STK32C: variants seen among roughly 807,000 people sequenced by gnomAD.
STK32C encodes the protein serine/threonine kinase 32C.
STK32C carries 31 observed loss-of-function variants against 56.5 expected under a neutral mutation model. The observed-to-expected ratio is 0.55, with a 90% confidence interval of 0.41 to 0.74. The LOEUF (loss-of-function observed/expected upper bound fraction) is 0.74. STK32C is among the 30% of genes least tolerant of loss of function. The pLI is 0.00. For missense variants in STK32C, 544 were observed against 676.9 expected (o/e 0.80, Z 2.18); for synonymous variants, 309 against 289.4 (o/e 1.07, Z -0.69).
chr10:132,245,240 G>C (rs2063645385), intron 2 of STK32C, among the ~76,000 whole-genome samples: 1 of 152,214 alleles, frequency 6.6e-6, no homozygotes, highest in South Asian at 2.1e-4. Flanking sequence ...AGCCTCCCGG[G>C]ACAGCTGAAA....
intron 1 of STK32C, among the ~76,000 whole-genome samples, chr10:132,304,077 C>T (rs780883030): frequency 6.6e-6 from 1 of 152,222 alleles, no homozygotes; most frequent in Non-Finnish European, 1.5e-5. Context: ...TGAGCAATGT[C>T]GTTCCTAAAA....
intron 8 of STK32C, among the ~76,000 whole-genome samples, chr10:132,223,635 G>C (rs537729944): frequency 6.6e-6 from 1 of 152,314 alleles, no homozygotes; most frequent in South Asian, 2.1e-4. Flanking sequence ...GACTCTCGGG[G>C]CTGGGGAGAG....
intron 10 of STK32C, among the ~76,000 whole-genome samples, chr10:132,212,238 G>T (rs111945108): frequency 6.6e-6 from 1 of 152,140 alleles, no homozygotes; most frequent in East Asian, 1.9e-4. Context: ...GTGCAGTCCC[G>T]GCGCAGGGCA....
rs148627375 is a variant in STK32C at position 132,303,081 on chromosome 10, T to A, written c.262+4491A>T. ...TCCTTCACATCAGCAGCAGCCAGCG[T>A]GGAAACGGTCCCACTCCAGTCCCAC... On this transcript the variant is annotated intron_variant, in intron 1 of 11. Coordinates refer to ENST00000298630, the MANE Select transcript of STK32C (RefSeq NM_173575.4). 2.0e-3 allele frequency among the ~76,000 whole-genome samples: 300 copies of A among 152,326 alleles called. 2 individuals are homozygous for A. The highest frequency in any genetic ancestry group is 7.1e-3 in the African/African-American group (294 of 41,576).
At chr10:132,231,662 A>G (rs2063104365) in intron 2 of STK32C, among the ~76,000 whole-genome samples, 1 of 152,238 alleles carries the variant, frequency 6.6e-6, no homozygotes, top group Admixed American at 6.5e-5. Flanking sequence ...TAAGTTGAGG[A>G]TCTGGAGGTC....
intron 10 of STK32C, among the ~76,000 whole-genome samples, chr10:132,210,135 C>T (rs536319220): frequency 2.0e-5 from 3 of 152,374 alleles, no homozygotes; most frequent in East Asian, 1.9e-4. Flanking sequence ...TTATGCAATG[C>T]GTGACAACAG....
intron 1 of STK32C, among the ~76,000 whole-genome samples, chr10:132,277,680 T>A (rs555593454): frequency 1.3e-5 from 2 of 152,286 alleles, no homozygotes; most frequent in Admixed American, 6.5e-5. Flanking sequence ...GCAGGGGACT[T>A]TATTCGACCT....
At chr10:132,324,219 T>A (rs112520251) in exon 2 of STK32C, 2 of 779,524 alleles carry the variant, frequency 2.6e-6, no homozygotes, top group Non-Finnish European at 4.8e-6. Flanking sequence ...ATCTGAGAAA[T>A]TCATTAACAA....
chr10:132,212,404 G>A (rs953060882), intron 10 of STK32C, among the ~76,000 whole-genome samples: 2 of 152,190 alleles, frequency 1.3e-5, no homozygotes, highest in Non-Finnish European at 2.9e-5. Context: ...ACCTGACATT[G>A]TTCATAAAAA....
At chr10:132,253,448 GT>G in intron 1 of STK32C, among the ~76,000 whole-genome samples, 1 of 148,802 alleles carries the variant, frequency 6.7e-6, no homozygotes, top group Non-Finnish European at 1.5e-5. Context: ...GCTGGAGGGA[GT>G]CGAGGGAACT....
intron 1 of STK32C, among the ~76,000 whole-genome samples, chr10:132,286,739 GAGA>G (rs1197470245): frequency 1.3e-5 from 2 of 152,164 alleles, no homozygotes; most frequent in African/African-American, 2.4e-5. Flanking sequence ...AAACTAAGAG[GAGA>G]AGGAGATTTC....
At chr10:132,270,643 T>G (rs11592246) in intron 1 of STK32C, among the ~76,000 whole-genome samples, 66,038 of 152,122 alleles carry the variant, frequency 0.43, 15,483 homozygotes, top group African/African-American at 0.6. Context: ...ACCCATGGCC[T>G]TATTTGCTAG....
At chr10:132,329,739 AT>A (rs2066598767) in intron 1 of STK32C, among the ~76,000 whole-genome samples, 2 of 152,306 alleles carry the variant, frequency 1.3e-5, no homozygotes, top group South Asian at 4.1e-4. Context: ...CAGAACAAGA[AT>A]TATGTCAGGG....
intron 1 of STK32C, among the ~76,000 whole-genome samples, chr10:132,249,516 T>A (rs1023242783): frequency 6.6e-6 from 1 of 152,082 alleles, no homozygotes; most frequent in African/African-American, 2.4e-5. Flanking sequence ...CCGAGCCAAG[T>A]GGTCCCTGCC....
At chr10:132,229,835 C>T (rs1032232532) in intron 2 of STK32C, among the ~76,000 whole-genome samples, 2 of 152,384 alleles carry the variant, frequency 1.3e-5, no homozygotes, top group South Asian at 4.1e-4. Context: ...TCTGATGGTG[C>T]CAAGCGGTGG....
intron 2 of STK32C, among the ~76,000 whole-genome samples, chr10:132,229,905 T>A (rs933282672): frequency 2.0e-5 from 3 of 152,232 alleles, no homozygotes; most frequent in Non-Finnish European, 4.4e-5. Flanking sequence ...CCTGGCACCA[T>A]GGGCTCTAAG....
downstream of STK32C, among the ~76,000 whole-genome samples, chr10:132,319,266 G>GA (rs200573624): frequency 0.014 from 2,200 of 152,258 alleles, 44 homozygotes; most frequent in South Asian, 0.046. Flanking sequence ...AGCTACACTG[G>GA]AAAACAGTTC....
intron 1 of STK32C, among the ~76,000 whole-genome samples, chr10:132,291,701 C>T (rs1253373274): frequency 6.6e-6 from 1 of 152,186 alleles, no homozygotes; most frequent in East Asian, 1.9e-4. Context: ...AGCCATGGGG[C>T]TCATGAAACA....
In STK32C at chr10:132,223,301, G is replaced by A. The variant is rs569744699; in HGVS notation, c.994-315C>T. Among the ~76,000 whole-genome samples, 5 of 152,278 alleles carry A rather than the reference G, an allele frequency of 3.3e-5. No individual in the cohort carries two copies. In the East Asian group the frequency reaches 7.7e-4, roughly 24 times the overall value. ...TGCCAGGAGGTGGCAGCCGAGGCCC[G>A]GCTAGCGGCTAACACTCGGCACATG... is the stretch of plus-strand genomic sequence containing the variant. On this transcript the variant is annotated intron_variant, in intron 8 of 11. Transcript: ENST00000298630.
Sources: allele counts gnomAD v4.1 joint callset (sites outside exome capture counted in the v4.1 genomes callset), GRCh38; gene constraint gnomAD v4.1.1; transcripts MANE v1.5; gene names NCBI Gene and HGNC (gene_info 2026-07-23, HGNC 2026-07-21).